GRM7: variants seen among roughly 807,000 people sequenced by gnomAD.
GRM7 encodes the protein glutamate metabotropic receptor 7.
GRM7 carries 35 observed loss-of-function variants against 84.5 expected under a neutral mutation model. The observed-to-expected ratio is 0.41, with a 90% confidence interval of 0.32 to 0.55. The LOEUF is 0.55. Among genes scored for constraint, GRM7 ranks in the 20% least tolerant of loss-of-function variants. The pLI, the probability that GRM7 is intolerant of heterozygous loss-of-function variation, is 0.19. For missense variants in GRM7, 1,003 were observed against 1,194.6 expected (o/e 0.84, Z 2.36); for synonymous variants, 487 against 455.1 (o/e 1.07, Z -0.89).
rs1436072296 is a variant in GRM7, at chr3:7,151,644, C to T, written c.736+4976C>T. 6.6e-6 allele frequency among the ~76,000 whole-genome samples: 1 copy of T among 152,120 alleles called. No homozygotes were observed. The highest frequency in any genetic ancestry group is 2.4e-5 in the African/African-American group (1 of 41,410). The stretch of plus-strand genomic sequence containing the variant: ...TAATTCCTAGTACATAGAAAGCAGT[C>T]AATCATTATTTCTTAACAGAAGGAA... On this transcript the variant is annotated intron_variant, in intron 2 of 9. Coordinates refer to ENST00000357716, the MANE Select transcript of GRM7 (RefSeq NM_000844.4). This position sits in a 1 kb window ranked among gnomAD's most constrained non-coding sequence, Gnocchi z 4.5.
chr3:7,189,293 A>G (rs140438813), intron 2 of GRM7, among the ~76,000 whole-genome samples: 1 of 152,284 alleles, frequency 6.6e-6, no homozygotes, highest in East Asian at 1.9e-4. Flanking sequence ...ATAAATCAAG[A>G]GAATTAGTGG....
At chr3:7,103,816 T>TTTTCTTTC (rs1699202603) in intron 1 of GRM7, among the ~76,000 whole-genome samples, 1 of 89,058 alleles carries the variant, frequency 1.1e-5, no homozygotes, top group Non-Finnish European at 2.3e-5. Context: ...CTTTCTTTCT[T>TTTTCTTTC]TCTCTCTCTC....
chr3:7,537,119 G>C (rs1434684294), intron 7 of GRM7, among the ~76,000 whole-genome samples: 1 of 152,166 alleles, frequency 6.6e-6, no homozygotes. Context: ...GTCTGGAGGA[G>C]TGTGTGAGGA....
At chr3:6,945,604 T>G (rs1268509899) in intron 1 of GRM7, among the ~76,000 whole-genome samples, 1 of 152,056 alleles carries the variant, frequency 6.6e-6, no homozygotes, top group African/African-American at 2.4e-5. Context: ...GGTCAAATGG[T>G]ATTTCTAGTT....
At chr3:6,962,430 C>T (rs1693337333) in intron 1 of GRM7, among the ~76,000 whole-genome samples, 1 of 151,494 alleles carries the variant, frequency 6.6e-6, no homozygotes, top group Non-Finnish European at 1.5e-5. Flanking sequence ...TAGAATCAGT[C>T]AAAAGGAGAA....
intron 2 of GRM7, among the ~76,000 whole-genome samples, chr3:7,197,315 A>G (rs182609594): frequency 6.6e-6 from 1 of 152,318 alleles, no homozygotes; most frequent in Non-Finnish European, 1.5e-5. Flanking sequence ...GTTACATCCA[A>G]TAAAGATGCA....
intron 7 of GRM7, among the ~76,000 whole-genome samples, chr3:7,510,950 T>A (rs1185455651): frequency 3.3e-5 from 5 of 152,160 alleles, no homozygotes; most frequent in Non-Finnish European, 5.9e-5. Flanking sequence ...CCAGGTCCTT[T>A]TCAGAACTTT....
At chr3:7,106,088 C>G (rs1303410384) in intron 1 of GRM7, among the ~76,000 whole-genome samples, 1 of 151,730 alleles carries the variant, frequency 6.6e-6, no homozygotes, top group Non-Finnish European at 1.5e-5. Context: ...CCATTTTCTT[C>G]TTTGTTTATT....
intron 2 of GRM7, among the ~76,000 whole-genome samples, chr3:7,209,776 A>G (rs930957825): frequency 2.0e-5 from 3 of 152,196 alleles, no homozygotes; most frequent in African/African-American, 7.2e-5. Context: ...ATTAGCCAAG[A>G]GCCATAAGAA....
rs371227785 is a variant in GRM7, at chr3:7,338,392, G to A, written c.1033+31740G>A. Among the ~76,000 whole-genome samples, 7 of 152,110 alleles carry A rather than the reference G, an allele frequency of 4.6e-5. No individual in the cohort carries two copies. The South Asian group carries it at 6.2e-4, about 14-fold the overall frequency. On this transcript the variant is annotated intron_variant, in intron 4 of 9. Coordinates refer to ENST00000357716, the MANE Select transcript of GRM7 (RefSeq NM_000844.4). ...TGGTAAAGACTACACATTGGGTGCA[G>A]TGTACACTGTAGGGGTGATGGGTAT...
At chr3:7,512,014 A>T (rs1249496158) in intron 7 of GRM7, among the ~76,000 whole-genome samples, 1 of 152,088 alleles carries the variant, frequency 6.6e-6, no homozygotes, top group East Asian at 1.9e-4. Context: ...TCATGGTGGC[A>T]CACTAATGAA....
intron 8 of GRM7, among the ~76,000 whole-genome samples, chr3:7,655,392 T>G (rs563762006): frequency 7.2e-5 from 11 of 152,298 alleles, no homozygotes; most frequent in African/African-American, 2.6e-4. Context: ...CTCTATCCTT[T>G]AGGATGGCTA....
At chr3:7,574,050 C>G (rs1243156390) in intron 7 of GRM7, among the ~76,000 whole-genome samples, 1 of 151,984 alleles carries the variant, frequency 6.6e-6, no homozygotes, top group African/African-American at 2.4e-5. Context: ...CATAATTTTG[C>G]CTTCAAAGAT....
chr3:7,035,718 T>G, intron 1 of GRM7, among the ~76,000 whole-genome samples: 1 of 152,100 alleles, frequency 6.6e-6, no homozygotes, highest in East Asian at 1.9e-4. Context: ...TTCATGGGCA[T>G]GTTTAGCCCA....
chr3:7,332,279 G>C (rs1466357279), intron 4 of GRM7, among the ~76,000 whole-genome samples: 1 of 152,150 alleles, frequency 6.6e-6, no homozygotes, highest in South Asian at 2.1e-4. Context: ...GTGGGGAGAG[G>C]AGGAGAATAG....
rs911663437 is a variant in GRM7, at chr3:7,207,862, GCA to G, written c.736+61197_736+61198del. 5.9e-5 allele frequency among the ~76,000 whole-genome samples: 9 copies of G among 152,230 alleles called. No homozygotes were observed. In the South Asian group the frequency reaches 1.0e-3, roughly 18 times the overall value. Reference sequence around the variant, plus strand: ...TCTGTTCAAAAGCAAAATGAAAATGGCACATTTTATCTTTCATATGCCTCTGT... The same window carrying G: ...TCTGTTCAAAAGCAAAATGAAAATGGCATTTTATCTTTCATATGCCTCTGT... On this transcript the variant is annotated intron_variant, in intron 2 of 9. Transcript: ENST00000357716.
chr3:7,382,653 C>A (rs1499077), intron 4 of GRM7, among the ~76,000 whole-genome samples: 85,722 of 152,012 alleles, frequency 0.56, 25,141 homozygotes, highest in African/African-American at 0.73. Flanking sequence ...CAATAGAATA[C>A]ATAGGAAGAG....
intron 1 of GRM7, among the ~76,000 whole-genome samples, chr3:7,063,430 G>A (rs536816869): frequency 6.6e-6 from 1 of 151,680 alleles, no homozygotes; most frequent in Non-Finnish European, 1.5e-5. Flanking sequence ...GGATAAGCTG[G>A]ACATGCAGAA....
chr3:7,307,560 G>C (rs1452884591), intron 4 of GRM7, among the ~76,000 whole-genome samples: 1 of 152,092 alleles, frequency 6.6e-6, no homozygotes, highest in African/African-American at 2.4e-5. Context: ...TTCTGTGTAG[G>C]CTTTTTAGAC....
Sources: allele counts gnomAD v4.1 joint callset (sites outside exome capture counted in the v4.1 genomes callset), GRCh38; gene constraint gnomAD v4.1.1; non-coding constraint Gnocchi (gnomAD v3.1); transcripts MANE v1.5; gene names NCBI Gene and HGNC (gene_info 2026-07-23, HGNC 2026-07-21).